Variants in AGPAT4 observed in about 807,000 individuals in gnomAD.
The protein encoded by AGPAT4 is 1-acyl-sn-glycerol-3-phosphate acyltransferase delta.
A neutral mutation model predicts 48.0 loss-of-function variants in AGPAT4; 15 were observed. The observed-to-expected ratio is 0.31, with a 90% CI of 0.21 to 0.48. The LOEUF is 0.48. AGPAT4 is among the 20% of genes least tolerant of loss of function. The pLI, the probability that AGPAT4 is intolerant of heterozygous loss-of-function variation, is 0.99. For missense variants in AGPAT4, 314 were observed against 482.5 expected (o/e 0.65, Z 3.27); for synonymous variants, 178 against 198.7 (o/e 0.90, Z 0.88).
rs567016900 is a variant in AGPAT4 at position 161,238,288 on chromosome 6, T to C, written c.-89-5986A>G. On this transcript the variant is annotated intron_variant, in intron 1 of 8. Coordinates refer to ENST00000320285, the MANE Select transcript of AGPAT4 (RefSeq NM_020133.3). The surrounding 1 kb of genome is among the most constrained non-coding windows in gnomAD (Gnocchi z 5.2). ...ATGAGGTGGCTGCAAGGAGCAAGTATAGTAAAGCATTGGAAACACTTGCCA... is the reference window on the plus strand; with the variant it reads ...ATGAGGTGGCTGCAAGGAGCAAGTACAGTAAAGCATTGGAAACACTTGCCA... Among the ~76,000 whole-genome samples, 2 of 152,268 alleles carry C rather than the reference T, an allele frequency of 1.3e-5. No homozygotes were observed. The highest frequency in any genetic ancestry group is 3.9e-4 in the East Asian group (2 of 5,184).
intron 1 of AGPAT4, among the ~76,000 whole-genome samples, chr6:161,250,784 A>G (rs1287433296): frequency 6.6e-6 from 1 of 152,198 alleles, no homozygotes; most frequent in Non-Finnish European, 1.5e-5. Context: ...GTTTGTCAGC[A>G]ATAAGAATTC....
At chr6:161,253,705 G>A (rs1006370023) in intron 1 of AGPAT4, among the ~76,000 whole-genome samples, 3 of 151,808 alleles carry the variant, frequency 2.0e-5, no homozygotes, top group African/African-American at 4.8e-5. Context: ...TTCTTTTACT[G>A]TATTATTTAA....
At chr6:161,174,828 C>T (rs1413675165) in intron 2 of AGPAT4, among the ~76,000 whole-genome samples, 1 of 152,144 alleles carries the variant, frequency 6.6e-6, no homozygotes, top group Non-Finnish European at 1.5e-5. Flanking sequence ...CCCATCAATA[C>T]CTAGTTTATT....
chr6:161,185,844 AGATCAC>A (rs1288208699), intron 2 of AGPAT4, among the ~76,000 whole-genome samples: 6 of 152,220 alleles, frequency 3.9e-5, no homozygotes, highest in African/African-American at 1.4e-4. Flanking sequence ...CCTAAAATAT[AGATCAC>A]GGTCATGCCT....
In AGPAT4 at chr6:161,245,985, A is replaced by G. The variant is rs979327934; in HGVS notation, c.-89-13683T>C. Among the ~76,000 whole-genome samples, 1 of 152,224 alleles carries G rather than the reference A, an allele frequency of 6.6e-6. No homozygotes were observed. The highest frequency in any genetic ancestry group is 1.5e-5 in the Non-Finnish European group (1 of 68,036). On this transcript the variant is annotated intron_variant, in intron 1 of 8. Coordinates refer to ENST00000320285, the MANE Select transcript of AGPAT4 (RefSeq NM_020133.3). This position sits in a 1 kb window ranked among gnomAD's most constrained non-coding sequence, Gnocchi z 5.2. ...TTGCTGGCTTCGAGTGCCCAAACTA[A>G]GTTGACATGCAGTATCCTTGTTTCT...
rs532667562 is a variant in AGPAT4, at chr6:161,136,234, C to A, written c.*306G>T. On this transcript the variant is annotated 3_prime_UTR_variant, in exon 9 of 9. Transcript: ENST00000320285. ...CCCCTTCGGTCCCCAGCCCTGCCCT[C>A]CCCTGCAGCCTAAAATACCCTTTCT... 37 of 349,100 alleles carry A rather than the reference C, an allele frequency of 1.1e-4. No homozygotes were observed. Among genetic ancestry groups the A allele is most frequent in the African/African-American group, 7.1e-4 (34 of 47,802 alleles). 21.6% of individuals were successfully genotyped at this position (349,100 alleles called of 1,614,324 possible).
Position 161,204,645 on chromosome 6 carries a change from C to G in AGPAT4, c.178+27391G>C, listed in dbSNP as rs1781329776. Among the ~76,000 whole-genome samples the G allele has an allele frequency of 6.6e-6, 1 of 151,990 alleles. No individual in the cohort carries two copies. The highest frequency in any genetic ancestry group is 1.9e-4 in the East Asian group (1 of 5,156). ...CTCAAAAGGCAAACAAAATGTCAAT[C>G]AAAATTGATGTATGGTTGTTTGTCA... is the stretch of plus-strand genomic sequence containing the variant. On this transcript the variant is annotated intron_variant, in intron 2 of 8. Transcript: ENST00000320285. This position sits in a 1 kb window ranked among gnomAD's most constrained non-coding sequence, Gnocchi z 4.4.
At position 161,189,175 on chromosome 6, in the gene AGPAT4, C is replaced by G. The variant is rs1390482967; in HGVS notation, c.179-22758G>C. Among the ~76,000 whole-genome samples, 2 of 152,182 alleles carry G rather than the reference C, an allele frequency of 1.3e-5. No homozygotes were observed. The highest frequency in any genetic ancestry group is 3.8e-4 in the East Asian group (2 of 5,196). On this transcript the variant is annotated intron_variant, in intron 2 of 8. Transcript: ENST00000320285. This position sits in a 1 kb window ranked among gnomAD's most constrained non-coding sequence, Gnocchi z 5.3. ...GCTATGAGGCTGGTGAGTGGGCATG[C>G]AACAGTGTTGCTAAACCCGGATTGT... is the stretch of plus-strand genomic sequence containing the variant.
chr6:161,153,386 G>A lies in AGPAT4; in HGVS notation c.624C>T (p.Thr208=). Residue 208 remains threonine, a synonymous_variant, in exon 5 of 9, where the codon ACC becomes ACT. Coordinates refer to ENST00000320285, the MANE Select transcript of AGPAT4 (RefSeq NM_020133.3). The stretch of plus-strand genomic sequence containing the variant: ...TCCTCACGGTGATGGCGAAGCCCTT[G>A]GTTCGTGGCAACAGGTGATGCTTGA... The part of the protein sequence containing the change: ...PRLKHHLLPR[T]KGFAITVRSL... 6.2e-7 allele frequency: 1 copy of A among 1,610,888 alleles called. No homozygotes were observed.
Position 161,219,594 on chromosome 6 carries a change from A to T in AGPAT4, c.178+12442T>A, listed in dbSNP as rs1781747364. Among the ~76,000 whole-genome samples the T allele has an allele frequency of 6.6e-6, 1 of 152,174 alleles. No individual in the cohort carries two copies. Among genetic ancestry groups the T allele is most frequent in the Admixed American group, 6.5e-5 (1 of 15,272 alleles). The stretch of plus-strand genomic sequence containing the variant: ...AGAAGTGAAATTTAATGCTTCCAAA[A>T]ACAAATGGGCACTTTGCGAATTAAT... On this transcript the variant is annotated intron_variant, in intron 2 of 8. Coordinates refer to ENST00000320285, the MANE Select transcript of AGPAT4 (RefSeq NM_020133.3). The surrounding 1 kb of genome is among the most constrained non-coding windows in gnomAD (Gnocchi z 4.9).
Position 161,195,356 on chromosome 6 carries a change from C to T in AGPAT4, c.179-28939G>A, listed in dbSNP as rs1025431965. Among the ~76,000 whole-genome samples the T allele has an allele frequency of 6.6e-6, 1 of 152,190 alleles. No homozygotes were observed. The highest frequency in any genetic ancestry group is 2.4e-5 in the African/African-American group (1 of 41,450). ...AATTATTCAGAGAAGACAAGCACTG[C>T]AGGACAACCATTGGGCGGGTTATAA... is the stretch of plus-strand genomic sequence containing the variant. On this transcript the variant is annotated intron_variant, in intron 2 of 8. Transcript: ENST00000320285. This position sits in a 1 kb window ranked among gnomAD's most constrained non-coding sequence, Gnocchi z 5.0.
In AGPAT4 at chr6:161,196,081, A is replaced by G. The variant is rs573366022; in HGVS notation, c.179-29664T>C. Among the ~76,000 whole-genome samples, 1 of 152,308 alleles carries G rather than the reference A, an allele frequency of 6.6e-6. No homozygotes were observed. ...ACTTAATGAGGCTTAATGACCCACC[A>G]TCCCAAGACAGAAATATAACCCTGA... On this transcript the variant is annotated intron_variant, in intron 2 of 8. Transcript: ENST00000320285. This position sits in a 1 kb window ranked among gnomAD's most constrained non-coding sequence, Gnocchi z 4.3.
rs1185903074 is a variant in AGPAT4 at position 161,165,973 on chromosome 6, C to A, written c.348+275G>T. The A allele has an allele frequency of 4.9e-6, 3 of 607,740 alleles. No individual in the cohort carries two copies. The highest frequency in any genetic ancestry group is 5.9e-6 in the Non-Finnish European group (2 of 341,518). The allele number at this position is 607,740 out of a possible 1,614,324, so 37.6% of individuals were successfully genotyped here. ...AGTTTTTAAAAAATGGAGTGTGGCA[C>A]ATCATCTATTCATGTTGCTGTAAGG... On this transcript the variant is annotated intron_variant, in intron 3 of 8. Coordinates refer to ENST00000320285, the MANE Select transcript of AGPAT4 (RefSeq NM_020133.3). The surrounding 1 kb of genome is among the most constrained non-coding windows in gnomAD (Gnocchi z 5.5).
In AGPAT4 at chr6:161,218,751, C is replaced by T. The variant is rs1781726183; in HGVS notation, c.178+13285G>A. Reference sequence around the variant, plus strand: ...CTCAACACTTTCCATATCATGTAACCATATACTCTGAGGTGGCAGAGGTGA... The same window carrying T: ...CTCAACACTTTCCATATCATGTAACTATATACTCTGAGGTGGCAGAGGTGA... On this transcript the variant is annotated intron_variant, in intron 2 of 8. Transcript: ENST00000320285. This position sits in a 1 kb window ranked among gnomAD's most constrained non-coding sequence, Gnocchi z 4.7. Among the ~76,000 whole-genome samples, 1 of 152,168 alleles carries T rather than the reference C, an allele frequency of 6.6e-6. No individual in the cohort carries two copies. The highest frequency in any genetic ancestry group is 2.1e-4 in the South Asian group (1 of 4,830).
At chr6:161,179,039 A>T (rs1176080619) in intron 2 of AGPAT4, among the ~76,000 whole-genome samples, 5 of 152,140 alleles carry the variant, frequency 3.3e-5, no homozygotes, top group African/African-American at 2.4e-5. Flanking sequence ...GCCCCAAACC[A>T]TTGCTTGCTA....
At position 161,249,510 on chromosome 6, in the gene AGPAT4, G is replaced by A. The variant is rs1353015403; in HGVS notation, c.-89-17208C>T. On this transcript the variant is annotated intron_variant, in intron 1 of 8. Coordinates refer to ENST00000320285, the MANE Select transcript of AGPAT4 (RefSeq NM_020133.3). The surrounding 1 kb of genome is among the most constrained non-coding windows in gnomAD (Gnocchi z 6.2). ...CCATTAAAAAGTGGGCAAAGGACAT[G>A]AACAGACACTTTTCAGAAGACATAC... Among the ~76,000 whole-genome samples, 2 of 152,092 alleles carry A rather than the reference G, an allele frequency of 1.3e-5. No homozygotes were observed. The highest frequency in any genetic ancestry group is 3.8e-4 in the East Asian group (2 of 5,198).
In AGPAT4 at chr6:161,140,230, C is replaced by CT. The variant is rs1779207297; in HGVS notation, c.844-611dup. ...TCATGAATGACAAAGGGCTGGAGGG[C>CT]TGCTGGGTGTGGCTCTCAGAGGTGA... is the stretch of plus-strand genomic sequence containing the variant. On this transcript the variant is annotated intron_variant, in intron 7 of 8. Transcript: ENST00000320285. This position sits in a 1 kb window ranked among gnomAD's most constrained non-coding sequence, Gnocchi z 6.5. Among the ~76,000 whole-genome samples, 1 of 152,212 alleles carries CT rather than the reference C, an allele frequency of 6.6e-6. No individual in the cohort carries two copies. Among genetic ancestry groups the CT allele is most frequent in the African/African-American group, 2.4e-5 (1 of 41,448 alleles).
At chr6:161,250,641 G>A (rs1023113081) in intron 1 of AGPAT4, among the ~76,000 whole-genome samples, 2 of 151,682 alleles carry the variant, frequency 1.3e-5, no homozygotes, top group African/African-American at 4.9e-5. Context: ...CAACATTTCT[G>A]CATTCCAGAA....
chr6:161,260,380 C>G (rs1435934753), intron 1 of AGPAT4, among the ~76,000 whole-genome samples: 6 of 152,114 alleles, frequency 3.9e-5, no homozygotes, highest in Non-Finnish European at 7.4e-5. Context: ...AAAAGCCAGG[C>G]CTGGCACAGT....
Sources: allele counts gnomAD v4.1 joint callset (sites outside exome capture counted in the v4.1 genomes callset), GRCh38; gene constraint gnomAD v4.1.1; non-coding constraint Gnocchi (gnomAD v3.1); transcripts MANE v1.5; gene names NCBI Gene and HGNC (gene_info 2026-07-23, HGNC 2026-07-21).